The following VWA3B variants were observed in gnomAD, a reference collection of about 807,000 sequenced individuals.
The protein encoded by VWA3B is von Willebrand factor A domain containing 3B, also known as von Willebrand factor A domain-containing protein 3B.
Under a neutral mutation model 158.3 loss-of-function variants are expected in VWA3B, and 138 were observed. The ratio of observed to expected loss-of-function variants is 0.87; its 90% CI spans 0.76 to 1.00. The LOEUF (loss-of-function observed/expected upper bound fraction) is 1.00, where lower values mean the gene tolerates loss of function less well. VWA3B is among the 50% of genes least tolerant of loss of function. The pLI is 0.00. For synonymous variants in VWA3B, 596 were observed against 587.3 expected, an observed-to-expected ratio of 1.01 and a Z score of -0.21; for missense variants, 1,555 against 1,565.1, an observed-to-expected ratio of 0.99 and a Z score of 0.11.
chr2:98,230,781 C>T (rs1685286782), intron 16 of VWA3B, among the ~76,000 whole-genome samples: 1 of 152,048 alleles, frequency 6.6e-6, no homozygotes, highest in East Asian at 1.9e-4. Context: ...TTCAGCATAG[C>T]ACGGGAAGTT....
chr2:98,162,011 C>T (rs1678633539), intron 7 of VWA3B, among the ~76,000 whole-genome samples: 1 of 152,138 alleles, frequency 6.6e-6, no homozygotes, highest in East Asian at 1.9e-4. Flanking sequence ...GCCCAGCCTG[C>T]CCATCTATTC....
chr2:98,139,023 C>G (rs987716708), intron 7 of VWA3B, among the ~76,000 whole-genome samples: 45 of 152,170 alleles, frequency 3.0e-4, no homozygotes, highest in African/African-American at 9.7e-4. Flanking sequence ...GAGCGGGAGC[C>G]GGGGCTGCGC....
At chr2:98,144,280 A>G (rs995532345) in intron 7 of VWA3B, among the ~76,000 whole-genome samples, 18 of 152,138 alleles carry the variant, frequency 1.2e-4, no homozygotes, top group Non-Finnish European at 2.4e-4. Context: ...TATTGTCATA[A>G]CCATCATCAT....
At chr2:98,170,922 G>A (rs528702252) in intron 8 of VWA3B, among the ~76,000 whole-genome samples, 22 of 152,202 alleles carry the variant, frequency 1.4e-4, no homozygotes, top group African/African-American at 1.2e-4. Context: ...TATTAAACCT[G>A]GCTCTGCCCA....
chr2:98,303,320 A>T (rs1341443759), intron 25 of VWA3B, among the ~76,000 whole-genome samples: 1 of 151,996 alleles, frequency 6.6e-6, no homozygotes, highest in African/African-American at 2.4e-5. Context: ...GACAGTTCTG[A>T]TAGGGACTTG....
At chr2:98,211,818 T>C in intron 12 of VWA3B, 112 bp from the exon 13 acceptor site, 1 of 835,982 alleles carries the variant, frequency 1.2e-6, no homozygotes, top group Non-Finnish European at 1.9e-6. Flanking sequence ...TAATTATTTA[T>C]CTTTCATCTC....
At chr2:98,312,054 C>T (rs1219700529) in intron 27 of VWA3B, 22 bp downstream of exon 27, 4 of 1,591,246 alleles carry the variant, frequency 2.5e-6, no homozygotes, top group South Asian at 2.3e-5. Context: ...GGGGGGGGAA[C>T]ACAACATCGC....
At chr2:98,191,599 G>A (rs1026718668) in intron 10 of VWA3B, among the ~76,000 whole-genome samples, 7 of 152,166 alleles carry the variant, frequency 4.6e-5, no homozygotes, top group Non-Finnish European at 8.8e-5. Context: ...TTTCAAGAAC[G>A]CTACTTGTTG....
chr2:98,312,456 C>A lies in VWA3B; in HGVS notation c.*107C>A. The A allele has an allele frequency of 7.2e-7, 1 of 1,394,410 alleles. No individual in the cohort carries two copies. The highest frequency in any genetic ancestry group is 9.6e-7 in the Non-Finnish European group (1 of 1,043,870). The allele number at this position is 1,394,410 out of a possible 1,614,324, so 86.4% of individuals were successfully genotyped here. On this transcript the variant is annotated 3_prime_UTR_variant, in exon 28 of 28. Transcript: ENST00000477737. ...CCTCCGCGGAGGTAAGGCCGCCCTC[C>A]GCGCCGCCTATGCCTGCCCTGTCTG...
chr2:98,160,315 T>TTTTTG (rs1038903010), intron 7 of VWA3B, among the ~76,000 whole-genome samples: 1 of 152,198 alleles, frequency 6.6e-6, no homozygotes, highest in Non-Finnish European at 1.5e-5. Context: ...TTTCACTGTT[T>TTTTTG]TTTTGTTTTG....
chr2:98,118,429 T>A (rs1355380735), intron 3 of VWA3B, among the ~76,000 whole-genome samples: 1 of 152,174 alleles, frequency 6.6e-6, no homozygotes, highest in African/African-American at 2.4e-5. Context: ...CAAGATAAAG[T>A]ACCGTATCTT....
chr2:98,138,006 G>A (rs1221135685), intron 7 of VWA3B, among the ~76,000 whole-genome samples: 2 of 152,166 alleles, frequency 1.3e-5, no homozygotes, highest in East Asian at 3.8e-4. Context: ...CATGTGTGCA[G>A]GGGTACACAT....
At chr2:98,134,567 C>T (rs936550803) in intron 7 of VWA3B, among the ~76,000 whole-genome samples, 1 of 152,012 alleles carries the variant, frequency 6.6e-6, no homozygotes, top group Non-Finnish European at 1.5e-5. Flanking sequence ...GATGAAATTG[C>T]AAAGTGCTGA....
At chr2:98,286,476 T>C (rs1360774584) in intron 22 of VWA3B, among the ~76,000 whole-genome samples, 1 of 152,098 alleles carries the variant, frequency 6.6e-6, no homozygotes, top group Admixed American at 6.6e-5. Flanking sequence ...CATAAAAGGG[T>C]GTTGGATTTT....
intron 2 of VWA3B, among the ~76,000 whole-genome samples, chr2:98,097,718 A>G (rs1489619636): frequency 6.6e-6 from 1 of 152,138 alleles, no homozygotes; most frequent in Admixed American, 6.5e-5. Flanking sequence ...TTGCATTCCC[A>G]TATATAAGCA....
Position 98,251,655 on chromosome 2 carries a change from C to T in VWA3B, c.2792+1219C>T, listed in dbSNP as rs541314238. Among the ~76,000 whole-genome samples the T allele has an allele frequency of 2.2e-3, 337 of 152,308 alleles. 1 individual carries two copies. Among genetic ancestry groups the T allele is most frequent in the African/African-American group, 7.7e-3 (318 of 41,550 alleles). ...GTGAAATAAAGTTCAGGAAAGTTAA[C>T]TATTGGCCCAGGCCAGCGTATGTTG... On this transcript the variant is annotated intron_variant, in intron 20 of 27. Transcript: ENST00000477737.
At chr2:98,306,171 A>G (rs544721515) in intron 26 of VWA3B, among the ~76,000 whole-genome samples, 2 of 152,086 alleles carry the variant, frequency 1.3e-5, no homozygotes, top group South Asian at 2.1e-4. Context: ...CGTCAACACC[A>G]CCATGTGATG....
At chr2:98,202,667 C>T (rs995141676) in intron 12 of VWA3B, among the ~76,000 whole-genome samples, 33 of 151,916 alleles carry the variant, frequency 2.2e-4, no homozygotes, top group African/African-American at 7.0e-4. Context: ...TTGTTCAGTT[C>T]GAGATGTCAT....
chr2:98,217,103 G>T (rs1684091787), intron 13 of VWA3B: 1 of 610,418 alleles, frequency 1.6e-6, no homozygotes, highest in East Asian at 6.9e-5. Context: ...GGCAGAGGGA[G>T]CTCCATCCCT....
Sources: allele counts gnomAD v4.1 joint callset (sites outside exome capture counted in the v4.1 genomes callset), GRCh38; gene constraint gnomAD v4.1.1; transcripts MANE v1.5; gene names NCBI Gene and HGNC (gene_info 2026-07-23, HGNC 2026-07-21).